The following DOCK1 variants were observed in gnomAD, a reference collection of about 807,000 sequenced individuals.
DOCK1 encodes dedicator of cytokinesis 1.
Under a neutral mutation model 262.7 loss-of-function variants are expected in DOCK1, and 138 were observed. That is an observed-to-expected ratio of 0.53 (90% CI 0.46 to 0.61). The LOEUF (loss-of-function observed/expected upper bound fraction) is 0.61, where lower values mean the gene tolerates loss of function less well. Among genes scored for constraint, DOCK1 ranks in the 20% least tolerant of loss-of-function variants. The pLI is 0.00. For synonymous variants in DOCK1, 866 were observed against 867.4 expected (o/e 1.00, Z 0.03); for missense variants, 1,908 against 2,370.7 (o/e 0.80, Z 4.05).
intron 35 of DOCK1, among the ~76,000 whole-genome samples, chr10:127,374,439 C>T (rs1286472418): frequency 6.6e-6 from 1 of 152,144 alleles, no homozygotes; most frequent in African/African-American, 2.4e-5. Context: ...ATGTCGCTCT[C>T]CTTGTCGTTG....
chr10:127,404,332 AG>A lies in DOCK1; in HGVS notation c.4027del (p.Ala1343LeufsTer10). ...TTTCTTTTTTCCTTCCAGAAAAAACAGGCTCAGTTTTATGAAAACATCGTCA... is the reference window on the plus strand; with the variant it reads ...TTTCTTTTTTCCTTCCAGAAAAAACAGCTCAGTTTTATGAAAACATCGTCA... ...YEQLSELLKK[Q>X]AQFYENIVKV... On this transcript the variant is annotated frameshift_variant, in exon 40 of 52. Coordinates refer to ENST00000623213, the MANE Select transcript of DOCK1 (RefSeq NM_001290223.2). LOFTEE classifies it high-confidence loss of function. 6.2e-7 allele frequency: 1 copy of A among 1,613,304 alleles called. No homozygotes were observed. The highest frequency in any genetic ancestry group is 8.5e-7 in the Non-Finnish European group (1 of 1,179,578).
intron 27 of DOCK1, among the ~76,000 whole-genome samples, chr10:127,139,528 A>G (rs888309898): frequency 6.6e-6 from 1 of 152,206 alleles, no homozygotes; most frequent in African/African-American, 2.4e-5. Flanking sequence ...AATCTCATGA[A>G]TTTAAGTCTT....
At chr10:126,951,210 TG>T (rs1441674506) in intron 1 of DOCK1, among the ~76,000 whole-genome samples, 8 of 151,748 alleles carry the variant, frequency 5.3e-5, no homozygotes, top group Admixed American at 2.0e-4. Context: ...TTGGTAGTGG[TG>T]GTGGTAATAT....
At chr10:127,234,619 A>G (rs1224966221) in intron 27 of DOCK1, among the ~76,000 whole-genome samples, 1 of 152,126 alleles carries the variant, frequency 6.6e-6, no homozygotes, top group East Asian at 1.9e-4. Context: ...TTGAATCCCA[A>G]TAGGACCTTG....
At chr10:126,946,637 C>T (rs1591394556) in intron 1 of DOCK1, among the ~76,000 whole-genome samples, 1 of 152,190 alleles carries the variant, frequency 6.6e-6, no homozygotes, top group African/African-American at 2.4e-5. Context: ...TTTGACTACT[C>T]TAGGAGCCAC....
chr10:127,098,275 C>CT (rs1248584743), intron 23 of DOCK1, among the ~76,000 whole-genome samples: 10 of 152,324 alleles, frequency 6.6e-5, no homozygotes, highest in South Asian at 2.1e-4. Flanking sequence ...TCACCCTGAT[C>CT]TTTTTTGTGA....
intron 26 of DOCK1, among the ~76,000 whole-genome samples, chr10:127,126,830 G>A (rs771748162): frequency 5.9e-5 from 9 of 152,176 alleles, no homozygotes; most frequent in Non-Finnish European, 1.0e-4. Context: ...TAGTCACCAC[G>A]CCCATATACC....
chr10:127,023,460 G>A, intron 14 of DOCK1, 136 bp downstream of exon 14: 1 of 1,256,484 alleles, frequency 8.0e-7, no homozygotes, highest in Non-Finnish European at 1.1e-6. Flanking sequence ...GTTGGTTCTT[G>A]TTTCCTTTTC....
At chr10:127,311,468 T>C (rs1057498704) in intron 29 of DOCK1, among the ~76,000 whole-genome samples, 1 of 152,236 alleles carries the variant, frequency 6.6e-6, no homozygotes, top group African/African-American at 2.4e-5. Flanking sequence ...CCAGTGAGCA[T>C]TTCCTGTGAA....
At chr10:127,204,693 C>G (rs1037357158) in intron 27 of DOCK1, among the ~76,000 whole-genome samples, 1 of 152,184 alleles carries the variant, frequency 6.6e-6, no homozygotes, top group Non-Finnish European at 1.5e-5. Flanking sequence ...TGAAAGGAAA[C>G]CTAAATTCAT....
Position 127,042,734 on chromosome 10 carries a change from C to T in DOCK1, c.2100+20C>T. The T allele has an allele frequency of 6.2e-7, 1 of 1,611,690 alleles. No individual in the cohort carries two copies. The highest frequency in any genetic ancestry group is 8.5e-7 in the Non-Finnish European group (1 of 1,177,908). On this transcript the variant is annotated intron_variant, in intron 20 of 51. Transcript: ENST00000623213. ...GCTCTGGTAAGAGAGCTTTCCTTCT[C>T]ATATGCTTGGATAACACAGCGTTCT... is the stretch of plus-strand genomic sequence containing the variant.
At chr10:127,121,486 CGTCT>C (rs2049573959) in intron 25 of DOCK1, among the ~76,000 whole-genome samples, 1 of 43,790 alleles carries the variant, frequency 2.3e-5, no homozygotes, top group African/African-American at 5.1e-5. Flanking sequence ...TCTATCTGTC[CGTCT>C]GTCTGTCCAT....
chr10:127,185,724 A>G (rs1220160366), intron 27 of DOCK1, among the ~76,000 whole-genome samples: 2 of 152,242 alleles, frequency 1.3e-5, no homozygotes, highest in Non-Finnish European at 2.9e-5. Flanking sequence ...AGGTAAAACC[A>G]TATCCAGAGA....
At chr10:127,418,324 C>G in intron 44 of DOCK1, 41 bp from the exon 45 acceptor site, 2 of 1,546,588 alleles carry the variant, frequency 1.3e-6, no homozygotes, top group Non-Finnish European at 1.8e-6. Flanking sequence ...GGAGTGGAGG[C>G]AGCTGTGGGG....
At chr10:127,029,808 A>T (rs371989461) in intron 16 of DOCK1, among the ~76,000 whole-genome samples, 2 of 152,130 alleles carry the variant, frequency 1.3e-5, no homozygotes, top group African/African-American at 4.8e-5. Context: ...CCTTCTGCTG[A>T]CCATTATTGT....
chr10:127,018,142 A>C (rs943713916), intron 12 of DOCK1, among the ~76,000 whole-genome samples: 2 of 152,164 alleles, frequency 1.3e-5, no homozygotes, highest in Admixed American at 1.3e-4. Context: ...ACTGTGGTAC[A>C]GAGGGCCTGG....
intron 2 of DOCK1, among the ~76,000 whole-genome samples, chr10:126,971,540 C>T (rs1306785653): frequency 6.6e-6 from 1 of 152,108 alleles, no homozygotes; most frequent in Non-Finnish European, 1.5e-5. Flanking sequence ...CCTCAGGCTC[C>T]CAAGTAGCTG....
intron 1 of DOCK1, among the ~76,000 whole-genome samples, chr10:126,967,882 C>T (rs1399785374): frequency 2.0e-5 from 3 of 152,130 alleles, no homozygotes; most frequent in Non-Finnish European, 2.9e-5. Flanking sequence ...GGTGCGATCA[C>T]GGCTCATTGC....
chr10:127,140,246 A>G (rs2051095428), intron 27 of DOCK1, among the ~76,000 whole-genome samples: 1 of 152,214 alleles, frequency 6.6e-6, no homozygotes. Context: ...CCAAGGAACC[A>G]TGTAATCACA....
Sources: gnomAD v4.1 joint callset for allele counts (sites outside exome capture counted in the v4.1 genomes callset) on GRCh38, gnomAD v4.1.1 for gene constraint, MANE v1.5 for transcripts, NCBI Gene and HGNC (gene_info 2026-07-23, HGNC 2026-07-21) for gene names.